Variants in ZNF683 observed in about 807,000 individuals in gnomAD.
ZNF683 encodes tissue-resident T-cell transcription regulator protein ZNF683.
ZNF683 carries 20 observed loss-of-function variants against 31.4 expected under a neutral mutation model. That is an observed-to-expected ratio of 0.64 (90% confidence interval 0.45 to 0.93). The LOEUF is 0.93. Among genes scored for constraint, ZNF683 ranks in the 40% least tolerant of loss-of-function variants. The probability of loss-of-function intolerance (pLI) is 0.00; values close to 1 mark genes in which losing one functional copy is unlikely to be tolerated. For synonymous variants in ZNF683, 264 were observed against 267.6 expected (o/e 0.99, Z 0.13); for missense variants, 621 against 637.2 (o/e 0.97, Z 0.27).
intron 1 of ZNF683, chr1:26,372,404 A>C: frequency 3.7e-5 from 41 of 1,094,944 alleles, no homozygotes; most frequent in Non-Finnish European, 4.6e-5. Context: ...GAGGGAGGCA[A>C]AAGGTACCTC....
Position 26,361,720 on chromosome 1 carries a change from C to A in ZNF683, c.1446G>T (p.Gly482=), listed in dbSNP as rs142594969. Residue 482 remains glycine, a synonymous_variant, in exon 6 of 6, where the codon GGG becomes GGT. Transcript: ENST00000349618. ...DEVKVSSTSQ[G]KARAVSLSSA... ...TGCTCAGGCTCACTGCTCTTGCTTT[C>A]CCCTGGGATGTCGAGGACACTTTGA... 7.4e-6 allele frequency: 12 copies of A among 1,613,950 alleles called. No homozygotes were observed. Among genetic ancestry groups the A allele is most frequent in the Non-Finnish European group, 9.3e-6 (11 of 1,179,898 alleles).
At position 26,362,000 on chromosome 1, in the gene ZNF683, C is replaced by A. The variant is rs2074397766; in HGVS notation, c.1166G>T (p.Ser389Ile). The A allele has an allele frequency of 6.2e-7, 1 of 1,613,614 alleles. No homozygotes were observed. Among genetic ancestry groups the A allele is most frequent in the African/African-American group, 1.3e-5 (1 of 74,938 alleles). The stretch of plus-strand genomic sequence containing the variant: ...CAGGTGGGTCTTGAGGTTACTGGAG[C>A]TGCTGAAGCGCTTGTGGCACACCTG... The part of the protein sequence containing the change: ...KCSVCHKRFS[S>I]SSNLKTHLRL... The change falls in exon 6 of 6, where the codon AGC becomes ATC. Residue 389 changes from serine to isoleucine, a missense_variant. Transcript: ENST00000349618.
chr1:26,370,859 C>T (rs983178650), intron 1 of ZNF683: 1 of 337,768 alleles, frequency 3.0e-6, no homozygotes, highest in Non-Finnish European at 4.2e-6. Context: ...GGGGCACTAT[C>T]CACTCAGCTT....
rs776443996 is a variant in ZNF683, at chr1:26,361,752, CT to C, written c.1413del (p.Ile471MetfsTer17). ...GATGTCGAGGACACTTTGACCTCAT[CT>C]ATGTCATAGCCCATGTGTTTCTCAG... ...VASEKHMGYD[I>X]DEVKVSSTSQ... is the part of the protein sequence containing the mutation. On this transcript the variant is annotated frameshift_variant, in exon 6 of 6. Transcript: ENST00000349618. LOFTEE classifies it low-confidence loss of function (END_TRUNC). 6.2e-7 allele frequency: 1 copy of C among 1,614,054 alleles called. No homozygotes were observed. Among genetic ancestry groups the C allele is most frequent in the Admixed American group, 1.7e-5 (1 of 60,032 alleles).
chr1:26,364,706 T>TG lies in ZNF683; in HGVS notation c.839dup (p.Thr281AsnfsTer112), dbSNP rs755188468. ...CACGCTCCAGGCCTGGGGAGTCGGT[T>TG]GGGGCAGCTCCAGCACCTGGATTTC... is the stretch of plus-strand genomic sequence containing the variant. On this transcript the variant is annotated frameshift_variant, in exon 4 of 6. Transcript: ENST00000349618. LOFTEE classifies it high-confidence loss of function. 1.9e-6 allele frequency: 3 copies of TG among 1,613,862 alleles called. No homozygotes were observed. In the South Asian group the frequency reaches 3.3e-5, roughly 18 times the overall value.
upstream of ZNF683, chr1:26,374,159 A>C: frequency 9.4e-7 from 1 of 1,061,608 alleles, no homozygotes; most frequent in Non-Finnish European, 1.3e-6. Context: ...CCTAAAAGGA[A>C]GAGCCCTCTC....
At position 26,372,716 on chromosome 1, in the gene ZNF683, A is replaced by G; in HGVS notation, c.-62T>C. On this transcript the variant is annotated 5_prime_UTR_variant, in exon 1 of 6. Transcript: ENST00000349618. ...TGGCTTGGGTCTCTGGTCTGGGTCAAGGCATCTGCTCAGGTTCCTCAGTTA... is the reference window on the plus strand; with the variant it reads ...TGGCTTGGGTCTCTGGTCTGGGTCAGGGCATCTGCTCAGGTTCCTCAGTTA... 1.6e-6 allele frequency: 2 copies of G among 1,257,282 alleles called. No homozygotes were observed. The highest frequency in any genetic ancestry group is 2.1e-6 in the Non-Finnish European group (2 of 970,168). 77.9% of individuals were successfully genotyped at this position (1,257,282 alleles called of 1,614,324 possible).
chr1:26,363,549 A>G (rs1431759538), intron 4 of ZNF683, among the ~76,000 whole-genome samples: 4 of 151,996 alleles, frequency 2.6e-5, no homozygotes, highest in South Asian at 4.2e-4. Context: ...GGGAGGATCA[A>G]TGGAGCCCAG....
chr1:26,367,556 T>C, intron 3 of ZNF683, 37 bp downstream of exon 3: 1 of 1,507,140 alleles, frequency 6.6e-7, no homozygotes, highest in Non-Finnish European at 8.9e-7. Context: ...CTCCAGCCTC[T>C]GCCAGGCGCA....
Position 26,368,505 on chromosome 1 carries a change from C to T in ZNF683, c.67G>A (p.Gly23Ser), listed in dbSNP as rs1196411778. ...AAGTCCAGGCTGGGGGACAGGGAGCCCCCTGTACCTCCCAGGGCCATGGGC... is the reference window on the plus strand; with the variant it reads ...AAGTCCAGGCTGGGGGACAGGGAGCTCCCTGTACCTCCCAGGGCCATGGGC... Reference protein sequence around the residue: ...HRPMALGGTGGSLSPSLDFQL... With the variant: ...HRPMALGGTGSSLSPSLDFQL... The change falls in exon 2 of 6, where the codon GGC (glycine) becomes AGC (serine). Residue 23 changes from glycine to serine, a missense_variant. Physicochemically the swap from Gly to Ser is moderately conservative, Grantham distance 56. Coordinates refer to ENST00000349618, the MANE Select transcript of ZNF683 (RefSeq NM_001114759.3). The T allele has an allele frequency of 1.9e-6, 3 of 1,605,170 alleles. No homozygotes were observed. The highest frequency in any genetic ancestry group is 2.6e-6 in the Non-Finnish European group (3 of 1,175,898).
At chr1:26,370,118 G>C (rs1250445012) in intron 1 of ZNF683, among the ~76,000 whole-genome samples, 1 of 150,498 alleles carries the variant, frequency 6.6e-6, no homozygotes, top group East Asian at 2.1e-4. Flanking sequence ...AGAGATCTGA[G>C]GGAACATTCC....
rs187185925 is a variant in ZNF683, at chr1:26,370,374, C to T, written c.-14-1789G>A. ...GCCCCTGACTGGCCTGACAGAGAGA[C>T]GCGAGTGCCCAGCTGTCTGCTCATC... On this transcript the variant is annotated intron_variant, in intron 1 of 5. Coordinates refer to ENST00000349618, the MANE Select transcript of ZNF683 (RefSeq NM_001114759.3). Among the ~76,000 whole-genome samples, 14 of 152,278 alleles carry T rather than the reference C, an allele frequency of 9.2e-5. 1 individual carries two copies. The Middle Eastern group carries it at 0.017, about 185-fold the overall frequency.
chr1:26,368,504 C>A lies in ZNF683; in HGVS notation c.68G>T (p.Gly23Val). 1 of 1,602,590 alleles carries A rather than the reference C, an allele frequency of 6.2e-7. No homozygotes were observed. Among genetic ancestry groups the A allele is most frequent in the Non-Finnish European group, 8.5e-7 (1 of 1,174,594 alleles). The change falls in exon 2 of 6, where the codon GGC becomes GTC. Residue 23 changes from glycine to valine, a missense_variant. Transcript: ENST00000349618. ...HRPMALGGTGGSLSPSLDFQL... is the reference protein window; with the variant it reads ...HRPMALGGTGVSLSPSLDFQL... ...GAAGTCCAGGCTGGGGGACAGGGAG[C>A]CCCCTGTACCTCCCAGGGCCATGGG... is the stretch of plus-strand genomic sequence containing the variant.
At chr1:26,374,289 A>G (rs758423548), upstream of ZNF683, 83 of 1,304,198 alleles carry the variant, frequency 6.4e-5, no homozygotes, top group African/African-American at 9.4e-4. Flanking sequence ...TTTGGCTTCC[A>G]TCTGCCAGCT....
intron 1 of ZNF683, among the ~76,000 whole-genome samples, chr1:26,371,740 T>C (rs1313433027): frequency 6.6e-6 from 1 of 151,932 alleles, no homozygotes; most frequent in Non-Finnish European, 1.5e-5. Flanking sequence ...AAGACCAGCA[T>C]GAGCAACATG....
intron 3 of ZNF683, among the ~76,000 whole-genome samples, chr1:26,366,087 G>A (rs1330995445): frequency 6.6e-6 from 1 of 152,122 alleles, no homozygotes; most frequent in African/African-American, 2.4e-5. Context: ...GGCTGAGGCA[G>A]AAGATTCACT....
Position 26,367,655 on chromosome 1 carries a change from G to A in ZNF683, c.257C>T (p.Thr86Ile). 3.1e-6 allele frequency: 5 copies of A among 1,612,608 alleles called. No individual in the cohort carries two copies. The highest frequency in any genetic ancestry group is 4.2e-6 in the Non-Finnish European group (5 of 1,179,716). The stretch of plus-strand genomic sequence containing the variant: ...TGTGCCCAGGGGTGCCGGCTGTGGG[G>A]TGCACAGGTTCAGGTCCAGGTCCTG... ...CLQDLDLNLC[T>I]PQPAPLGTDL... Residue 86 changes from threonine to isoleucine, a missense_variant, in exon 3 of 6, where the codon ACC (threonine) becomes ATC (isoleucine). Transcript: ENST00000349618.
At chr1:26,363,993 C>T (rs1030013291) in intron 4 of ZNF683, among the ~76,000 whole-genome samples, 4 of 152,230 alleles carry the variant, frequency 2.6e-5, no homozygotes, top group African/African-American at 9.6e-5. Flanking sequence ...GATGCGCTCC[C>T]TGGGCGCCCC....
chr1:26,368,382 T>TC (rs2074581143), intron 2 of ZNF683, 76 bp downstream of exon 2: 1 of 1,455,868 alleles, frequency 6.9e-7, no homozygotes, highest in South Asian at 1.5e-5. Flanking sequence ...CTTCAGACGT[T>TC]CCCCTTTTTC....
Sources: allele counts gnomAD v4.1 joint callset (sites outside exome capture counted in the v4.1 genomes callset), GRCh38; gene constraint gnomAD v4.1.1; transcripts MANE v1.5; gene names NCBI Gene and HGNC (gene_info 2026-07-23, HGNC 2026-07-21).